The following PRKG1 variants were observed in gnomAD, a reference collection of about 807,000 sequenced individuals.
The protein encoded by PRKG1 is protein kinase cGMP-dependent 1.
In PRKG1, 35 loss-of-function variants were observed where a neutral mutation model predicts 88.1. The ratio of observed to expected loss-of-function variants is 0.40; its 90% CI spans 0.30 to 0.53. The LOEUF (loss-of-function observed/expected upper bound fraction) is 0.53. Among genes scored for constraint, PRKG1 ranks in the 20% least tolerant of loss-of-function variants. The probability of loss-of-function intolerance (pLI) is 0.59; values close to 1 mark genes in which losing one functional copy is unlikely to be tolerated. For missense variants in PRKG1, 540 were observed against 839.8 expected (o/e 0.64, Z 4.41); for synonymous variants, 303 against 292.5 (o/e 1.04, Z -0.37).
chr10:51,317,500 A>G (rs1293717508), intron 2 of PRKG1, among the ~76,000 whole-genome samples: 3 of 152,196 alleles, frequency 2.0e-5, no homozygotes, highest in Admixed American at 2.0e-4. Context: ...TTATGTGTAA[A>G]TGACATTAAA....
intron 3 of PRKG1, among the ~76,000 whole-genome samples, chr10:51,662,690 G>C (rs1001191479): frequency 5.3e-5 from 8 of 152,100 alleles, no homozygotes; most frequent in African/African-American, 1.9e-4. Flanking sequence ...AAGGAGAAAA[G>C]TATAAAAGGA....
At chr10:51,806,304 T>C (rs1365335476) in intron 4 of PRKG1, among the ~76,000 whole-genome samples, 1 of 152,192 alleles carries the variant, frequency 6.6e-6, no homozygotes, top group Admixed American at 6.5e-5. Context: ...ATGGACTGAG[T>C]GCCAATGCTA....
intron 1 of PRKG1, among the ~76,000 whole-genome samples, chr10:51,104,698 TTTTATTTATTTA>T (rs35238475): frequency 7.6e-4 from 104 of 136,186 alleles, no homozygotes; most frequent in South Asian, 3.5e-3. Context: ...TTTATTTTTA[TTTTATTTATTTA>T]TTTATTTATT....
intron 1 of PRKG1, among the ~76,000 whole-genome samples, chr10:50,995,712 C>A (rs1842830324): frequency 6.6e-6 from 1 of 152,180 alleles, no homozygotes; most frequent in African/African-American, 2.4e-5. Context: ...CCTAGTTAGC[C>A]AGTGTATGCT....
At chr10:52,064,666 A>G (rs1296910390) in intron 7 of PRKG1, among the ~76,000 whole-genome samples, 1 of 152,108 alleles carries the variant, frequency 6.6e-6, no homozygotes, top group African/African-American at 2.4e-5. Flanking sequence ...TCCCAGCCCC[A>G]GGAGCACAGG....
chr10:51,042,590 A>G (rs914749127), intron 1 of PRKG1, among the ~76,000 whole-genome samples: 2 of 152,168 alleles, frequency 1.3e-5, no homozygotes, highest in Non-Finnish European at 2.9e-5. Context: ...TTTATTAGGG[A>G]GTGCTGTCAG....
At chr10:51,059,844 G>A (rs1843674368) in intron 1 of PRKG1, among the ~76,000 whole-genome samples, 1 of 151,978 alleles carries the variant, frequency 6.6e-6, no homozygotes, top group Non-Finnish European at 1.5e-5. Flanking sequence ...TAAGTATATT[G>A]TTTCTATCTT....
chr10:51,959,275 T>C (rs958977940), intron 5 of PRKG1, among the ~76,000 whole-genome samples: 7 of 152,180 alleles, frequency 4.6e-5, no homozygotes, highest in African/African-American at 1.7e-4. Context: ...CATTTTACGA[T>C]AATTGGAGAA....
rs536214596 is a variant in PRKG1 at position 51,566,265 on chromosome 10, G to T, written c.592+98429G>T. On this transcript the variant is annotated intron_variant, in intron 3 of 17. Coordinates refer to ENST00000373980, the MANE Select transcript of PRKG1 (RefSeq NM_006258.4). ...CAGAACATAGAGACTACCTGGCTCAGTTTCTCATCACACAGATATTAAGAA... is the reference window on the plus strand; with the variant it reads ...CAGAACATAGAGACTACCTGGCTCATTTTCTCATCACACAGATATTAAGAA... Among the ~76,000 whole-genome samples, 4 of 152,188 alleles carry T rather than the reference G, an allele frequency of 2.6e-5. No homozygotes were observed. In the East Asian group the frequency reaches 7.8e-4, roughly 30 times the overall value.
intron 1 of PRKG1, among the ~76,000 whole-genome samples, chr10:51,104,312 A>AT (rs1289685692): frequency 6.6e-6 from 1 of 152,226 alleles, no homozygotes; most frequent in African/African-American, 2.4e-5. Context: ...AACAAGCCTT[A>AT]TGGAATGGTT....
intron 7 of PRKG1, chr10:52,062,848 G>GTGTT: frequency 2.8e-6 from 2 of 710,038 alleles, no homozygotes; most frequent in East Asian, 5.3e-5. Context: ...TAATAAATCA[G>GTGTT]TGTTATATTA....
intron 2 of PRKG1, among the ~76,000 whole-genome samples, chr10:51,308,381 T>G (rs1841093609): frequency 6.6e-6 from 1 of 152,182 alleles, no homozygotes; most frequent in South Asian, 2.1e-4. Flanking sequence ...TCCTTGTATG[T>G]TAATAGGCCT....
At chr10:52,000,493 T>C (rs1034162236) in intron 5 of PRKG1, among the ~76,000 whole-genome samples, 14 of 152,092 alleles carry the variant, frequency 9.2e-5, no homozygotes, top group African/African-American at 1.2e-4. Context: ...GAAATCAAGA[T>C]TGGCATTTAC....
intron 3 of PRKG1, among the ~76,000 whole-genome samples, chr10:51,606,074 A>G (rs1012168539): frequency 6.6e-6 from 1 of 152,154 alleles, no homozygotes; most frequent in Non-Finnish European, 1.5e-5. Context: ...TATTGATGAC[A>G]TTGTTGGTTT....
At chr10:52,082,985 GA>G (rs1214428743) in intron 7 of PRKG1, among the ~76,000 whole-genome samples, 7 of 151,974 alleles carry the variant, frequency 4.6e-5, no homozygotes, top group East Asian at 1.9e-4. Flanking sequence ...ATATTTGCAG[GA>G]AAAAAATACA....
At chr10:51,681,628 T>A (rs1331060527) in intron 3 of PRKG1, among the ~76,000 whole-genome samples, 1 of 152,162 alleles carries the variant, frequency 6.6e-6, no homozygotes, top group African/African-American at 2.4e-5. Flanking sequence ...ATATGCATAA[T>A]TATAGGATTT....
rs35693168 is a variant in PRKG1, at chr10:51,758,132, G to GA, written c.593-46444dup. Among the ~76,000 whole-genome samples, 6 of 151,572 alleles carry GA rather than the reference G, an allele frequency of 4.0e-5. No individual in the cohort carries two copies. In the East Asian group the frequency reaches 5.8e-4, roughly 15 times the overall value. On this transcript the variant is annotated intron_variant, in intron 3 of 17. Transcript: ENST00000373980. ...AGCCTAGGATGTAGGAAACAGTCTA[G>GA]AAAAAAAAATTTAAACTATGTGCTT...
chr10:51,633,705 G>T (rs1357466148), intron 3 of PRKG1, among the ~76,000 whole-genome samples: 1 of 152,136 alleles, frequency 6.6e-6, no homozygotes, highest in East Asian at 1.9e-4. Context: ...ATCATTTGGG[G>T]AGTCAGAGCC....
intron 9 of PRKG1, among the ~76,000 whole-genome samples, chr10:52,185,643 T>C (rs1458784805): frequency 6.6e-6 from 1 of 152,236 alleles, no homozygotes; most frequent in African/African-American, 2.4e-5. Flanking sequence ...AGAAGTTATC[T>C]GTGAGGGCTT....
Sources: allele counts gnomAD v4.1 joint callset (sites outside exome capture counted in the v4.1 genomes callset), GRCh38; gene constraint gnomAD v4.1.1; transcripts MANE v1.5; gene names NCBI Gene and HGNC (gene_info 2026-07-23, HGNC 2026-07-21).